Variants in GPC5 observed in about 807,000 individuals in gnomAD.
The protein encoded by GPC5 is glypican 5.
In GPC5, 47 loss-of-function variants were observed where a neutral mutation model predicts 53.9. The observed-to-expected ratio is 0.87, with a 90% CI of 0.69 to 1.11. GPC5 has a LOEUF of 1.11. Among genes scored for constraint, GPC5 ranks in the 50% most tolerant of loss-of-function variants. The pLI is 0.00. For synonymous variants in GPC5, 286 were observed against 263.3 expected, an observed-to-expected ratio of 1.09 and a Z score of -0.84; for missense variants, 748 against 713.1, an observed-to-expected ratio of 1.05 and a Z score of -0.56.
At chr13:92,627,005 G>A (rs574164933) in intron 7 of GPC5, among the ~76,000 whole-genome samples, 1 of 152,196 alleles carries the variant, frequency 6.6e-6, no homozygotes, top group South Asian at 2.1e-4. Context: ...ATTGAATGAA[G>A]CTAAGAATCC....
intron 2 of GPC5, among the ~76,000 whole-genome samples, chr13:91,635,092 G>A (rs1171023728): frequency 6.6e-6 from 1 of 152,044 alleles, no homozygotes; most frequent in Non-Finnish European, 1.5e-5. Flanking sequence ...TGAGACAGAG[G>A]GAAGTGATTT....
At chr13:92,799,589 A>C (rs923663202) in intron 7 of GPC5, among the ~76,000 whole-genome samples, 2 of 151,850 alleles carry the variant, frequency 1.3e-5, no homozygotes, top group Non-Finnish European at 1.5e-5. Context: ...TCAGTTGAAA[A>C]ATGGGGAATG....
rs533919707 is a variant in GPC5 at position 91,685,539 on chromosome 13, C to T, written c.326-7648C>T. ...AACAGCACCCTTCACTTTTCATCCC[C>T]TACCCTCTTTTATCCCTCTGTAATA... On this transcript the variant is annotated intron_variant, in intron 2 of 7. Coordinates refer to ENST00000377067, the MANE Select transcript of GPC5 (RefSeq NM_004466.6). 2.6e-5 allele frequency among the ~76,000 whole-genome samples: 4 copies of T among 152,302 alleles called. No homozygotes were observed. The East Asian group carries it at 7.7e-4, about 29-fold the overall frequency.
chr13:92,788,852 G>A (rs73625633), intron 7 of GPC5, among the ~76,000 whole-genome samples: 12,450 of 152,230 alleles, frequency 0.082, 524 homozygotes, highest in African/African-American at 0.11. Flanking sequence ...AAGCCTCGGT[G>A]TATGGCACAC....
intron 7 of GPC5, among the ~76,000 whole-genome samples, chr13:92,431,037 A>T (rs982886120): frequency 6.6e-6 from 1 of 152,160 alleles, no homozygotes; most frequent in Non-Finnish European, 1.5e-5. Flanking sequence ...GTAAACACAG[A>T]ATTTAGATAT....
chr13:91,550,148 A>G (rs572336252), intron 2 of GPC5, among the ~76,000 whole-genome samples: 1 of 152,276 alleles, frequency 6.6e-6, no homozygotes, highest in South Asian at 2.1e-4. Flanking sequence ...GAAAATGGCT[A>G]CATACAGCCC....
At chr13:91,822,197 A>T (rs185318526) in intron 5 of GPC5, among the ~76,000 whole-genome samples, 1 of 152,338 alleles carries the variant, frequency 6.6e-6, no homozygotes, top group Non-Finnish European at 1.5e-5. Flanking sequence ...ACAGTCAACT[A>T]TAAGCCATCA....
intron 7 of GPC5, among the ~76,000 whole-genome samples, chr13:92,406,149 G>A (rs900812156): frequency 2.0e-5 from 3 of 152,120 alleles, no homozygotes; most frequent in African/African-American, 7.2e-5. Context: ...GGGAACTAAC[G>A]ACTGTGAATT....
chr13:91,847,047 G>A (rs1437489830), intron 5 of GPC5, among the ~76,000 whole-genome samples: 5 of 151,706 alleles, frequency 3.3e-5, no homozygotes, highest in African/African-American at 9.7e-5. Context: ...GTGAAACCCC[G>A]TCTCTACTAA....
chr13:92,298,436 G>T (rs577854749), intron 7 of GPC5, among the ~76,000 whole-genome samples: 3 of 152,118 alleles, frequency 2.0e-5, no homozygotes, highest in African/African-American at 7.2e-5. Context: ...CTTCTAGAAG[G>T]ACCCCTGTGA....
chr13:92,697,804 C>A (rs190306439), intron 7 of GPC5, among the ~76,000 whole-genome samples: 2 of 152,242 alleles, frequency 1.3e-5, no homozygotes, highest in East Asian at 3.9e-4. Flanking sequence ...CCAGTTTTTG[C>A]CCATTCAGTA....
At chr13:92,747,445 A>G (rs879497528) in intron 7 of GPC5, among the ~76,000 whole-genome samples, 7 of 152,204 alleles carry the variant, frequency 4.6e-5, no homozygotes, top group Non-Finnish European at 1.0e-4. Flanking sequence ...TTGTAGAAAG[A>G]GAAGTCATTT....
intron 3 of GPC5, 35 bp from the exon 4 acceptor site, chr13:91,728,497 T>C: frequency 6.3e-7 from 1 of 1,594,670 alleles, no homozygotes; most frequent in Non-Finnish European, 8.5e-7. Flanking sequence ...TGGAGTACGA[T>C]TTCTAACTAC....
chr13:92,021,927 G>A (rs543183936), intron 6 of GPC5, among the ~76,000 whole-genome samples: 15 of 152,106 alleles, frequency 9.9e-5, no homozygotes, highest in African/African-American at 2.2e-4. Context: ...TTAAGCACAC[G>A]CAATTTTGCT....
chr13:91,883,966 G>A (rs2039295536), intron 5 of GPC5, among the ~76,000 whole-genome samples: 1 of 151,748 alleles, frequency 6.6e-6, no homozygotes, highest in African/African-American at 2.4e-5. Flanking sequence ...TTCAAAAGTA[G>A]ACATACATGT....
intron 2 of GPC5, among the ~76,000 whole-genome samples, chr13:91,644,555 T>C (rs1374524080): frequency 6.6e-6 from 1 of 152,234 alleles, no homozygotes; most frequent in Non-Finnish European, 1.5e-5. Flanking sequence ...GGTAGCCTTT[T>C]ATTTCTTGCA....
At chr13:92,507,051 A>T (rs1261683584) in intron 7 of GPC5, among the ~76,000 whole-genome samples, 3 of 152,178 alleles carry the variant, frequency 2.0e-5, no homozygotes, top group Non-Finnish European at 2.9e-5. Flanking sequence ...TGCTTTGCAC[A>T]TGCAGCTTCC....
intron 7 of GPC5, among the ~76,000 whole-genome samples, chr13:92,750,778 G>C (rs1889366129): frequency 6.6e-6 from 1 of 152,186 alleles, no homozygotes; most frequent in Non-Finnish European, 1.5e-5. Context: ...TGCAAAGGCT[G>C]CGTGGAGAGT....
chr13:91,515,033 A>G (rs1324109046), intron 2 of GPC5, among the ~76,000 whole-genome samples: 1 of 152,230 alleles, frequency 6.6e-6, no homozygotes, highest in Admixed American at 6.5e-5. Flanking sequence ...TCACTTTCTC[A>G]GTTGTGTTAA....
Sources: allele counts gnomAD v4.1 joint callset (sites outside exome capture counted in the v4.1 genomes callset), GRCh38; gene constraint gnomAD v4.1.1; transcripts MANE v1.5; gene names NCBI Gene and HGNC (gene_info 2026-07-23, HGNC 2026-07-21).